CSMD1: variants seen among roughly 807,000 people sequenced by gnomAD.
The protein encoded by CSMD1 is CUB and sushi domain-containing protein 1.
Under a neutral mutation model 417.5 loss-of-function variants are expected in CSMD1, and 213 were observed. The observed-to-expected ratio is 0.51, with a 90% CI of 0.46 to 0.57. The LOEUF is 0.57. CSMD1 is among the 20% of genes least tolerant of loss of function. The probability of loss-of-function intolerance (pLI) is 0.00; values close to 1 mark genes in which losing one functional copy is unlikely to be tolerated. For synonymous variants in CSMD1, 2,862 were observed against 1,736.8 expected, an observed-to-expected ratio of 1.65 and a Z score of -16.11; for missense variants, 6,923 against 4,529.7, an observed-to-expected ratio of 1.53 and a Z score of -15.17.
intron 5 of CSMD1, among the ~76,000 whole-genome samples, chr8:3,953,654 T>A (rs1011458963): frequency 6.6e-6 from 1 of 151,936 alleles, no homozygotes; most frequent in Non-Finnish European, 1.5e-5. Flanking sequence ...CTAAGAACGC[T>A]GGGACTGGGA....
chr8:3,943,876 A>G (rs2554612), intron 5 of CSMD1, among the ~76,000 whole-genome samples: 89,914 of 151,920 alleles, frequency 0.59, 27,597 homozygotes, highest in Non-Finnish European at 0.67. Context: ...AACGAAAGAG[A>G]CATGGCAGCT....
intron 3 of CSMD1, among the ~76,000 whole-genome samples, chr8:4,032,655 A>G (rs1797408086): frequency 6.6e-6 from 1 of 152,246 alleles, no homozygotes; most frequent in Admixed American, 6.5e-5. Context: ...CCATCAATGT[A>G]TAAAAAAATG....
At chr8:4,459,273 C>T (rs932641535) in intron 2 of CSMD1, among the ~76,000 whole-genome samples, 1 of 152,214 alleles carries the variant, frequency 6.6e-6, no homozygotes. Context: ...TGCTGCAGTT[C>T]CTGTCACTTG....
chr8:3,836,422 C>T lies in CSMD1; in HGVS notation c.819-82380G>A, dbSNP rs552159574. Among the ~76,000 whole-genome samples, 13 of 152,102 alleles carry T rather than the reference C, an allele frequency of 8.5e-5. No homozygotes were observed. In the East Asian group the frequency reaches 2.5e-3, roughly 29 times the overall value. On this transcript the variant is annotated intron_variant, in intron 5 of 69. Coordinates refer to ENST00000635120, the MANE Select transcript of CSMD1 (RefSeq NM_033225.6). ...TTTCTTAGGTGATGGAAAATTTCTC[C>T]AATGCAGAAATCTCCAATTTCTGCA... is the stretch of plus-strand genomic sequence containing the variant.
At chr8:4,507,524 G>A (rs536510862) in intron 2 of CSMD1, among the ~76,000 whole-genome samples, 1 of 152,102 alleles carries the variant, frequency 6.6e-6, no homozygotes, top group African/African-American at 2.4e-5. Flanking sequence ...GATTTTTAGG[G>A]GAGAAAATGA....
chr8:4,403,471 C>G (rs569418276), intron 3 of CSMD1, among the ~76,000 whole-genome samples: 43 of 152,222 alleles, frequency 2.8e-4, no homozygotes, highest in African/African-American at 1.0e-3. Context: ...TCACCAATGA[C>G]CTACTTATGG....
At chr8:3,180,779 G>A (rs1336796885) in intron 37 of CSMD1, among the ~76,000 whole-genome samples, 4 of 151,902 alleles carry the variant, frequency 2.6e-5, no homozygotes, top group Non-Finnish European at 4.4e-5. Context: ...ACAGGCGCCC[G>A]TCACCATGCC....
intron 1 of CSMD1, among the ~76,000 whole-genome samples, chr8:4,762,471 G>C (rs184493797): frequency 6.6e-6 from 1 of 152,060 alleles, no homozygotes; most frequent in Admixed American, 6.6e-5. Flanking sequence ...TTAACATGCT[G>C]TGATTTAAAT....
chr8:3,614,172 G>C (rs1802026194), intron 8 of CSMD1, among the ~76,000 whole-genome samples: 1 of 151,978 alleles, frequency 6.6e-6, no homozygotes, highest in African/African-American at 2.4e-5. Flanking sequence ...CAGGTGTTAT[G>C]GCATTTGATT....
chr8:4,015,347 C>A (rs1796469630), intron 4 of CSMD1, among the ~76,000 whole-genome samples: 1 of 152,134 alleles, frequency 6.6e-6, no homozygotes, highest in Admixed American at 6.5e-5. Flanking sequence ...CTGGCTATGT[C>A]GTTCCTAGTT....
At chr8:4,091,734 G>C (rs1033769882) in intron 3 of CSMD1, among the ~76,000 whole-genome samples, 3 of 152,202 alleles carry the variant, frequency 2.0e-5, no homozygotes, top group Admixed American at 2.0e-4. Flanking sequence ...TGGTGTGCTG[G>C]TGTGTATAAA....
At chr8:4,214,340 G>A (rs888302467) in intron 3 of CSMD1, among the ~76,000 whole-genome samples, 1 of 152,154 alleles carries the variant, frequency 6.6e-6, no homozygotes, top group African/African-American at 2.4e-5. Context: ...CTCTGTCACT[G>A]AGGCTGGAGT....
At chr8:3,814,061 T>C (rs79206077) in intron 5 of CSMD1, among the ~76,000 whole-genome samples, 2,185 of 152,296 alleles carry the variant, frequency 0.014, 21 homozygotes, top group Non-Finnish European at 0.024. Flanking sequence ...CTTATTATTC[T>C]GCAAAATGTG....
intron 52 of CSMD1, among the ~76,000 whole-genome samples, chr8:3,008,777 G>C (rs555358410): frequency 1.2e-4 from 19 of 152,260 alleles, no homozygotes; most frequent in African/African-American, 4.6e-4. Flanking sequence ...GGAGTTATGC[G>C]GTTTGCAACC....
chr8:4,342,353 G>C (rs1486543837), intron 3 of CSMD1, among the ~76,000 whole-genome samples: 1 of 152,026 alleles, frequency 6.6e-6, no homozygotes, highest in East Asian at 1.9e-4. Flanking sequence ...AAAAATATGT[G>C]TATACATTCT....
intron 3 of CSMD1, among the ~76,000 whole-genome samples, chr8:4,162,917 C>T (rs1563207016): frequency 6.6e-6 from 1 of 152,174 alleles, no homozygotes; most frequent in African/African-American, 2.4e-5. Context: ...CAACCCTTTG[C>T]AACCACTGGT....
At chr8:4,308,897 TACTC>T (rs1315627814) in intron 3 of CSMD1, among the ~76,000 whole-genome samples, 3 of 152,150 alleles carry the variant, frequency 2.0e-5, no homozygotes, top group Admixed American at 6.5e-5. Flanking sequence ...TGGTTTAAAA[TACTC>T]AGAAAATATC....
At chr8:4,361,783 A>G (rs772297149) in intron 3 of CSMD1, among the ~76,000 whole-genome samples, 20 of 151,968 alleles carry the variant, frequency 1.3e-4, no homozygotes, top group Non-Finnish European at 2.8e-4. Flanking sequence ...GTGAAACCCC[A>G]TCTCTACTAA....
intron 5 of CSMD1, among the ~76,000 whole-genome samples, chr8:3,902,606 G>C (rs1051829019): frequency 3.9e-5 from 6 of 152,012 alleles, no homozygotes; most frequent in African/African-American, 1.4e-4. Flanking sequence ...AAAATCTAAT[G>C]TCGCCGCCGA....
Sources: allele counts gnomAD v4.1 joint callset (sites outside exome capture counted in the v4.1 genomes callset), GRCh38; gene constraint gnomAD v4.1.1; transcripts MANE v1.5; gene names NCBI Gene and HGNC (gene_info 2026-07-23, HGNC 2026-07-21).